The following ATP5IF1 variants were observed in gnomAD, a reference collection of about 807,000 sequenced individuals.
The protein encoded by ATP5IF1 is ATPase inhibitor, mitochondrial.
ATP5IF1 carries 12 observed loss-of-function variants against 8.5 expected under a neutral mutation model. The observed-to-expected ratio is 1.41, with a 90% CI of 0.90 to 2.28. The LOEUF (loss-of-function observed/expected upper bound fraction) is 2.28. ATP5IF1 is among the 30% of genes most tolerant of loss of function. The pLI is 0.00. For missense variants in ATP5IF1, 154 were observed against 140.2 expected, an observed-to-expected ratio of 1.10 and a Z score of -0.50; for synonymous variants, 51 against 53.4, an observed-to-expected ratio of 0.96 and a Z score of 0.19.
chr1:28,236,305 C>T (rs1186226184), intron 1 of ATP5IF1, 35 bp downstream of exon 1: 1 of 1,614,158 alleles, frequency 6.2e-7, no homozygotes, highest in Non-Finnish European at 8.5e-7. Context: ...TCCAGCCCCG[C>T]GGGCGGATCC....
intron 2 of ATP5IF1, 171 bp downstream of exon 2, chr1:28,236,623 C>T: frequency 6.6e-7 from 1 of 1,524,782 alleles, no homozygotes. Flanking sequence ...CCGACCGTTG[C>T]CACGTATAGG....
At chr1:28,236,969 G>C in intron 2 of ATP5IF1, 1 of 1,050,492 alleles carries the variant, frequency 9.5e-7, no homozygotes, top group East Asian at 8.2e-5. Flanking sequence ...GAGGATGATG[G>C]GAGCTGGTCA....
intron 2 of ATP5IF1, chr1:28,237,331 T>C: frequency 9.9e-7 from 1 of 1,011,418 alleles, no homozygotes; most frequent in South Asian, 4.1e-5. Context: ...CAAACCAACA[T>C]TGTAATCCAG....
rs1647035938 is a variant in ATP5IF1 at position 28,236,386 on chromosome 1, G to A, written c.113G>A (p.Gly38Asp). ...DQSENVDRGA[G>D]SIREAGGAFG... Reference sequence around the variant, plus strand: ...TCCGAGAATGTCGACCGGGGCGCGGGCTCCATCCGGGAAGCCGGTGGGGCC... The same window carrying A: ...TCCGAGAATGTCGACCGGGGCGCGGACTCCATCCGGGAAGCCGGTGGGGCC... Residue 38 changes from glycine to aspartate, a missense_variant, in exon 2 of 3, where the codon GGC becomes GAC. Physicochemically the swap from Gly to Asp is moderately conservative, Grantham distance 94. Coordinates refer to ENST00000335514, the MANE Select transcript of ATP5IF1 (RefSeq NM_016311.5). The A allele has an allele frequency of 6.2e-7, 1 of 1,614,236 alleles. No homozygotes were observed. The highest frequency in any genetic ancestry group is 1.3e-5 in the African/African-American group (1 of 75,074).
intron 2 of ATP5IF1, chr1:28,237,381 C>T (rs1325685978): frequency 9.4e-7 from 1 of 1,058,824 alleles, no homozygotes; most frequent in Non-Finnish European, 1.1e-6. Flanking sequence ...AAGTACTGCG[C>T]ATGCAAGAGA....
chr1:28,237,556 G>T, intron 2 of ATP5IF1: 2 of 1,389,026 alleles, frequency 1.4e-6, no homozygotes, highest in Non-Finnish European at 1.9e-6. Context: ...TCCCTGGGTT[G>T]TTCCCCTCAT....
In ATP5IF1 at chr1:28,237,690, C is replaced by T; in HGVS notation, c.180-147C>T. ...CTCAATTTAAGATGGGGTATTCTTTCACTAGTTGAGGAGTAGAAGAGGATG... is the reference window on the plus strand; with the variant it reads ...CTCAATTTAAGATGGGGTATTCTTTTACTAGTTGAGGAGTAGAAGAGGATG... On this transcript the variant is annotated intron_variant, in intron 2 of 2. Transcript: ENST00000335514. 6 of 1,593,482 alleles carry T rather than the reference C, an allele frequency of 3.8e-6. No homozygotes were observed. The South Asian group carries it at 6.8e-5, about 18-fold the overall frequency.
chr1:28,236,612 C>G, intron 2 of ATP5IF1, 160 bp downstream of exon 2: 13 of 1,530,188 alleles, frequency 8.5e-6, no homozygotes, highest in Non-Finnish European at 1.1e-5. Flanking sequence ...CCCTTGATGT[C>G]CCGACCGTTG....
In ATP5IF1 at chr1:28,237,917, G is replaced by A. The variant is rs556914230; in HGVS notation, c.260G>A (p.Arg87His). The A allele has an allele frequency of 1.1e-5, 18 of 1,613,996 alleles. No homozygotes were observed. In the East Asian group the frequency reaches 1.3e-4, roughly 12 times the overall value. ...GTTCATCATAAGAAGGAGATTGAGCGTCTGCAGAAAGAAATTGAGCGCCAT... is the reference window on the plus strand; with the variant it reads ...GTTCATCATAAGAAGGAGATTGAGCATCTGCAGAAAGAAATTGAGCGCCAT... ...EIVHHKKEIE[R>H]LQKEIERHKQ... is the part of the protein sequence containing the mutation. Residue 87 changes from arginine to histidine, a missense_variant, in exon 3 of 3, where the codon CGT (arginine) becomes CAT (histidine). Transcript: ENST00000335514.
At chr1:28,236,919 G>C in intron 2 of ATP5IF1, 1 of 1,089,496 alleles carries the variant, frequency 9.2e-7, no homozygotes, top group Non-Finnish European at 1.1e-6. Context: ...CATGCATTCA[G>C]GCTTCTCAGG....
rs777544739 is a variant in ATP5IF1 at position 28,236,408 on chromosome 1, G to A, written c.135G>A (p.Gly45=). 10 of 1,614,206 alleles carry A rather than the reference G, an allele frequency of 6.2e-6. No individual in the cohort carries two copies. Among genetic ancestry groups the A allele is most frequent in the South Asian group, 1.1e-5 (1 of 91,082 alleles). ...RGAGSIREAG[G]AFGKREQAEE... ...CGGGCTCCATCCGGGAAGCCGGTGG[G>A]GCCTTCGGAAAGAGAGAGCAGGCTG... Residue 45 remains glycine, a synonymous_variant, in exon 2 of 3, where the codon GGG becomes GGA. Coordinates refer to ENST00000335514, the MANE Select transcript of ATP5IF1 (RefSeq NM_016311.5).
chr1:28,236,207 G>A lies in ATP5IF1; in HGVS notation c.24G>A (p.Ala8=), dbSNP rs1192484569. The change falls in exon 1 of 3, where the codon GCG becomes GCA. Residue 8 remains alanine (A), a synonymous_variant. Transcript: ENST00000335514. The stretch of plus-strand genomic sequence containing the variant: ...CAATGGCAGTGACGGCGTTGGCGGC[G>A]CGGACGTGGCTTGGCGTGTGGGGCG... The part of the protein sequence containing the change: MAVTALA[A]RTWLGVWGVR... 2.5e-6 allele frequency: 4 copies of A among 1,613,682 alleles called. No individual in the cohort carries two copies. The Admixed American group carries it at 5.0e-5, about 20-fold the overall frequency.
Position 28,238,061 on chromosome 1 carries a change from G to C in ATP5IF1, c.*83G>C, listed in dbSNP as rs115245379. On this transcript the variant is annotated 3_prime_UTR_variant, in exon 3 of 3. Coordinates refer to ENST00000335514, the MANE Select transcript of ATP5IF1 (RefSeq NM_016311.5). ...GTTCTGGTTTAACTAATATTTGTCT[G>C]TGTGCTACTAACAGATTATAATAAA... The C allele has an allele frequency of 2.2e-6, 3 of 1,340,852 alleles. No individual in the cohort carries two copies. Among genetic ancestry groups the C allele is most frequent in the Non-Finnish European group, 3.1e-6 (3 of 979,402 alleles). The allele number at this position is 1,340,852 out of a possible 1,614,324, so 83.1% of individuals were successfully genotyped here.
intron 2 of ATP5IF1, chr1:28,237,535 G>T: frequency 7.3e-7 from 1 of 1,371,342 alleles, no homozygotes; most frequent in African/African-American, 1.5e-5. Flanking sequence ...TTCCCTAAAG[G>T]GGAGTCAAGT....
chr1:28,237,649 C>T (rs1315303065), intron 2 of ATP5IF1, 188 bp from the exon 3 acceptor site: 2 of 1,520,358 alleles, frequency 1.3e-6, no homozygotes, highest in African/African-American at 2.8e-5. Context: ...CTTTGGTCTT[C>T]TTAAGATGGC....
Position 28,237,818 on chromosome 1 carries a change from A to G in ATP5IF1, c.180-19A>G, listed in dbSNP as rs1207888384. The stretch of plus-strand genomic sequence containing the variant: ...GGTGAAGGATTGAAATTAAACCCTG[A>G]GCCACCGTGTCCTTGTAGAGCACAG... On this transcript the variant is annotated intron_variant, in intron 2 of 2. Transcript: ENST00000335514. 1.1e-5 allele frequency: 17 copies of G among 1,614,064 alleles called. No individual in the cohort carries two copies. Among genetic ancestry groups the G allele is most frequent in the South Asian group, 2.2e-5 (2 of 91,086 alleles).
chr1:28,237,304 T>C, intron 2 of ATP5IF1: 1 of 1,000,276 alleles, frequency 1.0e-6, no homozygotes, highest in Non-Finnish European at 1.2e-6. Flanking sequence ...TAAGGAAAAC[T>C]GAGGCCTAAA....
rs546910112 is a variant in ATP5IF1 at position 28,236,180 on chromosome 1, A to C, written c.-4A>C. ...GAGACGCCAGAGGTGCAGCTCCAGCAGCAATGGCAGTGACGGCGTTGGCGG... is the reference window on the plus strand; with the variant it reads ...GAGACGCCAGAGGTGCAGCTCCAGCCGCAATGGCAGTGACGGCGTTGGCGG... On this transcript the variant is annotated 5_prime_UTR_variant, in exon 1 of 3. Coordinates refer to ENST00000335514, the MANE Select transcript of ATP5IF1 (RefSeq NM_016311.5). The C allele has an allele frequency of 6.8e-5, 110 of 1,612,982 alleles. 1 individual carries two copies. In the South Asian group the frequency reaches 9.2e-4, roughly 14 times the overall value.
intron 2 of ATP5IF1, 46 bp from the exon 3 acceptor site, chr1:28,237,791 G>C: frequency 6.2e-7 from 1 of 1,614,114 alleles, no homozygotes; most frequent in Non-Finnish European, 8.5e-7. Flanking sequence ...AGATCTCTTT[G>C]GGGTGAAGGA....
Sources: allele counts gnomAD v4.1 joint callset, GRCh38; gene constraint gnomAD v4.1.1; transcripts MANE v1.5; gene names NCBI Gene and HGNC (gene_info 2026-07-23, HGNC 2026-07-21).